The following NELL1 variants were observed in gnomAD, a reference collection of about 807,000 sequenced individuals.
The protein encoded by NELL1 is neural EGFL like 1, also known as protein kinase C-binding protein NELL1.
Under a neutral mutation model 107.4 loss-of-function variants are expected in NELL1, and 76 were observed. The observed-to-expected ratio is 0.71, with a 90% CI of 0.59 to 0.86. NELL1 has a LOEUF of 0.86. Ranked by LOEUF, NELL1 falls within the 40% of genes least tolerant of loss-of-function variation. The pLI is 0.00. For synonymous variants in NELL1, 353 were observed against 341.2 expected (o/e 1.03, Z -0.38); for missense variants, 1,024 against 1,005.5 (o/e 1.02, Z -0.25).
intron 4 of NELL1, among the ~76,000 whole-genome samples, chr11:20,849,908 G>A (rs77410009): frequency 0.012 from 1,756 of 152,236 alleles, 20 homozygotes; most frequent in Non-Finnish European, 0.02. Flanking sequence ...TAGATTCCCC[G>A]AGGGCGGAAC....
intron 2 of NELL1, among the ~76,000 whole-genome samples, chr11:20,701,257 C>T (rs1473631601): frequency 6.6e-6 from 1 of 152,126 alleles, no homozygotes; most frequent in Non-Finnish European, 1.5e-5. Flanking sequence ...CTCTGATGCT[C>T]AGTCATGATG....
intron 12 of NELL1, among the ~76,000 whole-genome samples, chr11:21,018,063 T>G (rs192927191): frequency 3.7e-4 from 57 of 152,264 alleles, no homozygotes; most frequent in African/African-American, 1.3e-3. Context: ...AGGCACAATT[T>G]GTCGCATTTG....
chr11:21,249,059 C>G (rs1858571001), intron 14 of NELL1, among the ~76,000 whole-genome samples: 1 of 152,232 alleles, frequency 6.6e-6, no homozygotes, highest in East Asian at 1.9e-4. Flanking sequence ...AAGTCAGGAC[C>G]ACCCCCTAGT....
At chr11:21,457,017 T>C (rs116524344) in intron 15 of NELL1, among the ~76,000 whole-genome samples, 1 of 152,086 alleles carries the variant, frequency 6.6e-6, no homozygotes, top group African/African-American at 2.4e-5. Context: ...CCTGACATAA[T>C]ACTTCCATTA....
intron 14 of NELL1, among the ~76,000 whole-genome samples, chr11:21,342,686 G>A (rs1054126072): frequency 1.6e-5 from 2 of 125,692 alleles, no homozygotes; most frequent in East Asian, 4.7e-4. Context: ...GAAAGAGATA[G>A]GAAAGGAAGG....
chr11:21,570,010 A>T (rs1477801924), intron 17 of NELL1, among the ~76,000 whole-genome samples: 1 of 151,608 alleles, frequency 6.6e-6, no homozygotes, highest in Non-Finnish European at 1.5e-5. Context: ...CAACAGACAT[A>T]AAAAAAAGAC....
chr11:20,920,124 T>C (rs16907020), intron 7 of NELL1, among the ~76,000 whole-genome samples: 13,780 of 152,086 alleles, frequency 0.091, 794 homozygotes, highest in African/African-American at 0.16. Flanking sequence ...ATATAGAAAA[T>C]ATGGCTAATG....
intron 16 of NELL1, among the ~76,000 whole-genome samples, chr11:21,551,498 A>G (rs934685321): frequency 2.0e-5 from 3 of 151,794 alleles, no homozygotes; most frequent in African/African-American, 7.2e-5. Flanking sequence ...ACACTTCTCA[A>G]AAGAAGACAT....
chr11:21,050,163 GC>G (rs566762534), intron 12 of NELL1, among the ~76,000 whole-genome samples: 14 of 151,994 alleles, frequency 9.2e-5, no homozygotes, highest in Non-Finnish European at 1.6e-4. Flanking sequence ...AACTTGGCTT[GC>G]CCCACTCCTT....
intron 12 of NELL1, among the ~76,000 whole-genome samples, chr11:21,106,200 A>C (rs1056699486): frequency 6.6e-6 from 1 of 151,990 alleles, no homozygotes. Context: ...CCTGAGAGGC[A>C]ATACAGACTG....
In NELL1 at chr11:21,166,130, A is replaced by G. The variant is rs1316592174; in HGVS notation, c.1426+52416A>G. Among the ~76,000 whole-genome samples, 9 of 151,764 alleles carry G rather than the reference A, an allele frequency of 5.9e-5. 1 individual carries two copies. The highest frequency in any genetic ancestry group is 1.7e-4 in the African/African-American group (7 of 41,054). ...TAAGTGAAATAAGTCAGGCACAGAA[A>G]GACAAACATGACATATTCTCACTAA... On this transcript the variant is annotated intron_variant, in intron 13 of 19. Coordinates refer to ENST00000357134, the MANE Select transcript of NELL1 (RefSeq NM_006157.5).
chr11:21,325,603 T>C (rs1377260382), intron 14 of NELL1, among the ~76,000 whole-genome samples: 2 of 152,104 alleles, frequency 1.3e-5, no homozygotes, highest in Non-Finnish European at 2.9e-5. Context: ...ATTTTTTTAA[T>C]ATTAACTTAT....
intron 13 of NELL1, among the ~76,000 whole-genome samples, chr11:21,216,787 C>G (rs764092739): frequency 1.8e-4 from 27 of 152,098 alleles, no homozygotes; most frequent in Non-Finnish European, 3.2e-4. Context: ...GGCTTATAGG[C>G]AGAAGGGACT....
intron 12 of NELL1, among the ~76,000 whole-genome samples, chr11:20,990,912 C>A (rs903759354): frequency 6.6e-6 from 1 of 152,268 alleles, no homozygotes; most frequent in South Asian, 2.1e-4. Context: ...TGGCTCTTGA[C>A]CCCAGGTGCT....
At chr11:21,486,031 G>A (rs550465491) in intron 15 of NELL1, among the ~76,000 whole-genome samples, 1 of 152,172 alleles carries the variant, frequency 6.6e-6, no homozygotes, top group East Asian at 1.9e-4. Context: ...GACCACTGGG[G>A]TTCCGGTGGG....
Position 21,336,676 on chromosome 11 carries a change from C to T in NELL1, c.1550-34177C>T, listed in dbSNP as rs866451526. On this transcript the variant is annotated intron_variant, in intron 14 of 19. Coordinates refer to ENST00000357134, the MANE Select transcript of NELL1 (RefSeq NM_006157.5). Reference sequence around the variant, plus strand: ...GTATATATATATATATATATATATACACACACACACACACATTAAACAGAA... The same window carrying T: ...GTATATATATATATATATATATATATACACACACACACACATTAAACAGAA... 1.4e-4 allele frequency among the ~76,000 whole-genome samples: 19 copies of T among 134,722 alleles called. No homozygotes were observed. The South Asian group carries it at 1.6e-3, about 12-fold the overall frequency. The allele number at this position is 134,722 out of a possible 152,430, so 88.4% of individuals were successfully genotyped here.
At chr11:20,920,578 A>G (rs1850356115) in intron 7 of NELL1, among the ~76,000 whole-genome samples, 1 of 152,110 alleles carries the variant, frequency 6.6e-6, no homozygotes, top group Admixed American at 6.6e-5. Context: ...AGCTTGTGTT[A>G]TAGAGAGGCT....
At chr11:20,848,801 CTT>C (rs1032806984) in intron 4 of NELL1, among the ~76,000 whole-genome samples, 2 of 152,174 alleles carry the variant, frequency 1.3e-5, no homozygotes, top group Non-Finnish European at 2.9e-5. Flanking sequence ...TCTGCAGTCT[CTT>C]TTAGAAGAGT....
At chr11:21,294,987 AC>A (rs1341946703) in intron 14 of NELL1, among the ~76,000 whole-genome samples, 1 of 152,126 alleles carries the variant, frequency 6.6e-6, no homozygotes, top group Non-Finnish European at 1.5e-5. Flanking sequence ...ATGAGAATCC[AC>A]ATCTTCTGAT....
Sources: gnomAD v4.1 joint callset for allele counts (sites outside exome capture counted in the v4.1 genomes callset) on GRCh38, gnomAD v4.1.1 for gene constraint, MANE v1.5 for transcripts, NCBI Gene and HGNC (gene_info 2026-07-23, HGNC 2026-07-21) for gene names.